The following ADHFE1 variants were observed in gnomAD, a reference collection of about 807,000 sequenced individuals.
The protein encoded by ADHFE1 is hydroxyacid-oxoacid transhydrogenase, mitochondrial.
ADHFE1 carries 37 observed loss-of-function variants against 54.8 expected under a neutral mutation model. The ratio of observed to expected loss-of-function variants is 0.68; its 90% CI spans 0.52 to 0.89. ADHFE1 has a LOEUF of 0.89. Ranked by LOEUF, ADHFE1 falls within the 40% of genes least tolerant of loss-of-function variation. The probability of loss-of-function intolerance (pLI) is 0.00; values close to 1 mark genes in which losing one functional copy is unlikely to be tolerated. For missense variants in ADHFE1, 601 were observed against 591.2 expected, an observed-to-expected ratio of 1.02 and a Z score of -0.17; for synonymous variants, 203 against 229.3, an observed-to-expected ratio of 0.89 and a Z score of 1.04.
chr8:66,437,891 G>A (rs1805547900), intron 1 of ADHFE1, among the ~76,000 whole-genome samples: 1 of 152,156 alleles, frequency 6.6e-6, no homozygotes, highest in East Asian at 1.9e-4. Context: ...TGACAGGAAA[G>A]AACAAAAGTT....
In ADHFE1 at chr8:66,439,109, C is replaced by A; in HGVS notation, c.60-1053C>A. On this transcript the variant is annotated intron_variant, in intron 1 of 13. Transcript: ENST00000396623. The surrounding 1 kb of genome is among the most constrained non-coding windows in gnomAD (Gnocchi z 4.4). ...ACCACTAGATGGCAGCCGCGACTCG[C>A]GCCAGCTCTCACTCGCCCCCGCGTC... The A allele has an allele frequency of 1.1e-6, 1 of 871,874 alleles. No individual in the cohort carries two copies. The highest frequency in any genetic ancestry group is 1.2e-4 in the East Asian group (1 of 8,228). The allele number at this position is 871,874 out of a possible 1,614,324, so 54.0% of individuals were successfully genotyped here. A position where few individuals can be genotyped will look rare whatever the true frequency, so the allele number is the denominator to read the frequency against.
intron 8 of ADHFE1, among the ~76,000 whole-genome samples, chr8:66,450,274 C>T (rs1806233134): frequency 6.6e-6 from 1 of 152,236 alleles, no homozygotes; most frequent in Admixed American, 6.5e-5. Context: ...ATAGTAAATA[C>T]ATCATGACCC....
rs554261968 is a variant in ADHFE1 at position 66,442,373 on chromosome 8, C to T, written c.98-425C>T. ...TTGTCCAGGCTGGAGTGCAGTGGCG[C>T]GATCTCGGCTCACTGCAAGCTCCAC... is the stretch of plus-strand genomic sequence containing the variant. On this transcript the variant is annotated intron_variant, in intron 2 of 13. Coordinates refer to ENST00000396623, the MANE Select transcript of ADHFE1 (RefSeq NM_144650.3). Among the ~76,000 whole-genome samples the T allele has an allele frequency of 1.7e-4, 25 of 147,310 alleles. No individual in the cohort carries two copies. In the South Asian group the frequency reaches 2.2e-3, roughly 13 times the overall value.
chr8:66,445,858 C>T (rs1254267640), intron 6 of ADHFE1, among the ~76,000 whole-genome samples: 2 of 152,196 alleles, frequency 1.3e-5, no homozygotes, highest in Admixed American at 6.5e-5. Flanking sequence ...TTTGTCTCTT[C>T]CCTGGGACAT....
Position 66,439,581 on chromosome 8 carries a change from G to A in ADHFE1, c.60-581G>A. 2 of 985,952 alleles carry A rather than the reference G, an allele frequency of 2.0e-6. No individual in the cohort carries two copies. Among genetic ancestry groups the A allele is most frequent in the South Asian group, 4.7e-5 (1 of 21,286 alleles). The allele number at this position is 985,952 out of a possible 1,614,324, so 61.1% of individuals were successfully genotyped here. ...GGGCCTCTGGGGAGCGGCGCGGCGG[G>A]GACGGAGGAGAGCTCGGAGCCCGGG... On this transcript the variant is annotated intron_variant, in intron 1 of 13. Transcript: ENST00000396623. The surrounding 1 kb of genome is among the most constrained non-coding windows in gnomAD (Gnocchi z 4.4).
At chr8:66,435,203 C>T (rs971528480) in intron 1 of ADHFE1, among the ~76,000 whole-genome samples, 1 of 152,230 alleles carries the variant, frequency 6.6e-6, no homozygotes, top group South Asian at 2.1e-4. Context: ...GTGTTCAGAG[C>T]AGCCCTCACT....
chr8:66,466,834 G>A (rs1807217798), intron 13 of ADHFE1, among the ~76,000 whole-genome samples: 1 of 152,176 alleles, frequency 6.6e-6, no homozygotes, highest in Non-Finnish European at 1.5e-5. Context: ...GAGGGGAAGG[G>A]CCCTGAGGCA....
At chr8:66,449,889 T>C (rs939356952) in intron 8 of ADHFE1, among the ~76,000 whole-genome samples, 11 of 152,120 alleles carry the variant, frequency 7.2e-5, no homozygotes, top group Admixed American at 2.0e-4. Flanking sequence ...GAGGCCAAGG[T>C]AGGAGGATCA....
At chr8:66,462,271 A>AT (rs905780480) in intron 13 of ADHFE1, among the ~76,000 whole-genome samples, 3 of 152,074 alleles carry the variant, frequency 2.0e-5, no homozygotes, top group African/African-American at 4.8e-5. Flanking sequence ...GGTCATAGTG[A>AT]TTTTTTCCGG....
In ADHFE1 at chr8:66,444,416, G is replaced by A. The variant is rs1215244633; in HGVS notation, c.194G>A (p.Gly65Glu). The A allele has an allele frequency of 6.2e-7, 1 of 1,614,078 alleles. No homozygotes were observed. The change falls in exon 4 of 14, where the codon GGA becomes GAA. Residue 65 changes from glycine to glutamate, a missense_variant. Gly to Glu is a moderately conservative substitution (Grantham distance 98, BLOSUM62 -2). Transcript: ENST00000396623. ...GGAGCAGCAGTTACAAAGGAAGTAG[G>A]AATGGCAAGTATTCGAGATGTCTAC... Reference protein sequence around the residue: ...RYGAAVTKEVGMDLKNMGAKN... With the variant: ...RYGAAVTKEVEMDLKNMGAKN...
At position 66,432,601 on chromosome 8, in the gene ADHFE1, A is replaced by G. The variant is rs556209452; in HGVS notation, c.59+26A>G. Reference sequence around the variant, plus strand: ...GTGAGTGCGGGGCCGGCGGGCGGGCAGGGGACCGCAGGGTGCCCACGCAGC... The same window carrying G: ...GTGAGTGCGGGGCCGGCGGGCGGGCGGGGGACCGCAGGGTGCCCACGCAGC... On this transcript the variant is annotated intron_variant, in intron 1 of 13. Transcript: ENST00000396623. 4.5e-4 allele frequency: 577 copies of G among 1,289,204 alleles called. 1 individual carries two copies. Among genetic ancestry groups the G allele is most frequent in the Middle Eastern group, 3.2e-3 (14 of 4,416 alleles). 79.9% of individuals were successfully genotyped at this position (1,289,204 alleles called of 1,614,324 possible). A position where few individuals can be genotyped will look rare whatever the true frequency, so the allele number is the denominator to read the frequency against.
chr8:66,457,312 C>T, intron 12 of ADHFE1, 146 bp downstream of exon 12: 1 of 545,270 alleles, frequency 1.8e-6, no homozygotes, highest in Admixed American at 3.4e-5. Context: ...AACCCCATCT[C>T]TACCAAAAAA....
intron 13 of ADHFE1, 112 bp from the exon 14 acceptor site, chr8:66,468,157 T>C (rs1170874752): frequency 1.1e-5 from 8 of 715,940 alleles, no homozygotes; most frequent in Non-Finnish European, 1.2e-5. Flanking sequence ...TTTAAAGATA[T>C]GGCGTTTATC....
intron 11 of ADHFE1, 71 bp from the exon 12 acceptor site, chr8:66,456,999 C>G: frequency 6.5e-7 from 1 of 1,539,180 alleles, no homozygotes. Context: ...GGTAAAGTAA[C>G]TTAACATCTA....
Position 66,468,458 on chromosome 8 carries a change from T to G in ADHFE1, c.*106T>G. 1 of 831,706 alleles carries G rather than the reference T, an allele frequency of 1.2e-6. No individual in the cohort carries two copies. The highest frequency in any genetic ancestry group is 1.8e-6 in the Non-Finnish European group (1 of 548,466). The allele number at this position is 831,706 out of a possible 1,614,324, so 51.5% of individuals were successfully genotyped here. ...TCATCTTTGCGCATAACTTACCTGT[T>G]ACCAGTATAGGTGGGATATACATTT... On this transcript the variant is annotated 3_prime_UTR_variant, in exon 14 of 14. Transcript: ENST00000396623.
chr8:66,454,214 A>G lies in ADHFE1; in HGVS notation c.986+57A>G, dbSNP rs1240468421. ...CAAGCTATTGCTTTAAAAAATTTTT[A>G]ATGTTTATAATTCAGGACAGGTGGT... On this transcript the variant is annotated intron_variant, in intron 10 of 13. Coordinates refer to ENST00000396623, the MANE Select transcript of ADHFE1 (RefSeq NM_144650.3). 3.9e-6 allele frequency: 6 copies of G among 1,558,158 alleles called. No homozygotes were observed. The Admixed American group carries it at 7.0e-5, about 18-fold the overall frequency.
At chr8:66,451,275 A>G (rs1806285740) in intron 8 of ADHFE1, among the ~76,000 whole-genome samples, 1 of 152,230 alleles carries the variant, frequency 6.6e-6, no homozygotes. Flanking sequence ...CTTTTTCTTC[A>G]GGCCAAGAAT....
chr8:66,453,910 A>G, intron 9 of ADHFE1, 149 bp from the exon 10 acceptor site: 1 of 1,521,182 alleles, frequency 6.6e-7, no homozygotes. Flanking sequence ...TTTAGAAGAC[A>G]AGGCGTCGTT....
intron 13 of ADHFE1, among the ~76,000 whole-genome samples, chr8:66,464,479 C>T (rs755708743): frequency 1.3e-5 from 2 of 152,208 alleles, no homozygotes; most frequent in African/African-American, 2.4e-5. Context: ...TCTGCAGTTA[C>T]AGCAAACACT....
Sources: gnomAD v4.1 joint callset for allele counts (sites outside exome capture counted in the v4.1 genomes callset) on GRCh38, gnomAD v4.1.1 for gene constraint, Gnocchi (gnomAD v3.1) non-coding constraint, MANE v1.5 for transcripts, NCBI Gene and HGNC (gene_info 2026-07-23, HGNC 2026-07-21) for gene names.